The following IFNAR1 variants were observed in gnomAD, a reference collection of about 807,000 sequenced individuals.
The protein encoded by IFNAR1 is interferon alpha and beta receptor subunit 1.
IFNAR1 carries 47 observed loss-of-function variants against 62.1 expected under a neutral mutation model. The ratio of observed to expected loss-of-function variants is 0.76; its 90% CI spans 0.60 to 0.97. The LOEUF (loss-of-function observed/expected upper bound fraction) is 0.97, where lower values mean the gene tolerates loss of function less well. Among genes scored for constraint, IFNAR1 ranks in the 50% least tolerant of loss-of-function variants. The pLI, the probability that IFNAR1 is intolerant of heterozygous loss-of-function variation, is 0.00. For missense variants in IFNAR1, 638 were observed against 654.5 expected (o/e 0.97, Z 0.27); for synonymous variants, 219 against 226.9 (o/e 0.97, Z 0.31).
At position 33,335,618 on chromosome 21, in the gene IFNAR1, G is replaced by A. The variant is rs2123668743; in HGVS notation, c.171G>A (p.Gly57=). The A allele has an allele frequency of 6.3e-7, 1 of 1,593,510 alleles. No individual in the cohort carries two copies. Among genetic ancestry groups the A allele is most frequent in the Non-Finnish European group, 8.5e-7 (1 of 1,169,666 alleles). ...GGAACAGGAGCGATGAGTCTGTCGG[G>A]AATGTGACTTTTTCATTCGATTATC... is the stretch of plus-strand genomic sequence containing the variant. ...LRWNRSDESV[G]NVTFSFDYQK... is the part of the protein sequence containing the mutation. The change falls in exon 2 of 11, where the codon GGG becomes GGA. Residue 57 remains glycine, a synonymous_variant. Transcript: ENST00000270139.
Position 33,357,353 on chromosome 21 carries a change from CACAT to C in IFNAR1, c.*1808_*1811del, listed in dbSNP as rs2083457941. On this transcript the variant is annotated 3_prime_UTR_variant, in exon 11 of 11. Transcript: ENST00000270139. Reference sequence around the variant, plus strand: ...GTGATGCTCGGCACATCCTGCCTGGCACATACACGTGTCTGCAGGCCACACCGTG... The same window carrying C: ...GTGATGCTCGGCACATCCTGCCTGGCACACGTGTCTGCAGGCCACACCGTG... 1 of 152,234 alleles carries C rather than the reference CACAT, an allele frequency of 6.6e-6. No individual in the cohort carries two copies. The highest frequency in any genetic ancestry group is 1.5e-5 in the Non-Finnish European group (1 of 68,088). 9.4% of individuals were successfully genotyped at this position (152,234 alleles called of 1,614,324 possible).
At position 33,343,645 on chromosome 21, in the gene IFNAR1, C is replaced by G. The variant is rs778680285; in HGVS notation, c.642C>G (p.Val214=). ...TACTTACGTCATGGAAAATTGGTGT[C>G]TATAGTCCAGTACATTGTATAAAGA... is the stretch of plus-strand genomic sequence containing the variant. ...AALLTSWKIG[V]YSPVHCIKTT... Residue 214 remains valine (V), a synonymous_variant, in exon 5 of 11, where the codon GTC becomes GTG. Transcript: ENST00000270139. The G allele has an allele frequency of 6.2e-7, 1 of 1,608,688 alleles. No individual in the cohort carries two copies. The highest frequency in any genetic ancestry group is 8.5e-7 in the Non-Finnish European group (1 of 1,175,746).
chr21:33,330,542 A>AAC (rs911524060), intron 1 of IFNAR1, among the ~76,000 whole-genome samples: 20 of 151,922 alleles, frequency 1.3e-4, no homozygotes, highest in East Asian at 1.9e-4. Flanking sequence ...AAACAAAGCA[A>AAC]ACACACACAC....
intron 1 of IFNAR1, among the ~76,000 whole-genome samples, chr21:33,326,132 C>T (rs1372589652): frequency 6.6e-6 from 1 of 151,786 alleles, no homozygotes; most frequent in Non-Finnish European, 1.5e-5. Context: ...AATAGTCATA[C>T]TTTTTAAACT....
rs17875793 is a variant in IFNAR1 at position 33,334,224 on chromosome 21, A to G, written c.77-1300A>G. Among the ~76,000 whole-genome samples the G allele has an allele frequency of 2.3e-3, 344 of 152,306 alleles. 4 individuals carry two copies. Among genetic ancestry groups the G allele is most frequent in the Non-Finnish European group, 3.0e-3 (205 of 68,024 alleles). ...AAAGGGAAAGATAGACTCCAATATG[A>G]TAGTAGTTGGGGACTTCAGCACCCC... On this transcript the variant is annotated intron_variant, in intron 1 of 10. Transcript: ENST00000270139.
intron 1 of IFNAR1, among the ~76,000 whole-genome samples, chr21:33,326,208 T>G (rs1415836561): frequency 7.8e-6 from 1 of 128,360 alleles, no homozygotes; most frequent in African/African-American, 3.1e-5. Flanking sequence ...CATTTTTATT[T>G]ATACTTTTTT....
chr21:33,352,698 C>A, intron 8 of IFNAR1, 60 bp from the exon 9 acceptor site: 1 of 905,004 alleles, frequency 1.1e-6, no homozygotes, highest in Non-Finnish European at 1.7e-6. Flanking sequence ...TGAGAAAGCA[C>A]ATATTCCCTG....
At chr21:33,343,977 A>G (rs1331340692) in intron 5 of IFNAR1, among the ~76,000 whole-genome samples, 1 of 152,148 alleles carries the variant, frequency 6.6e-6, no homozygotes, top group African/African-American at 2.4e-5. Flanking sequence ...CCAACATGGG[A>G]AAACCCCGTG....
intron 2 of IFNAR1, among the ~76,000 whole-genome samples, chr21:33,338,811 C>T (rs1054553522): frequency 1.1e-4 from 17 of 151,248 alleles, no homozygotes; most frequent in Admixed American, 5.3e-4. Flanking sequence ...GGCGCAATCT[C>T]GGCTCACCGC....
rs149502605 is a variant in IFNAR1, at chr21:33,343,606, A to C, written c.603A>C (p.Lys201Asn). The change falls in exon 5 of 11, where the codon AAA (lysine) becomes AAC (asparagine). Residue 201 changes from lysine (K) to asparagine (N), a missense_variant. By Grantham distance (94) the Lys-to-Asn change is moderately conservative. Coordinates refer to ENST00000270139, the MANE Select transcript of IFNAR1 (RefSeq NM_000629.3). ...KLSPETTYCL[K>N]VKAALLTSWK... The stretch of plus-strand genomic sequence containing the variant: ...CACCAGAGACTACTTATTGTCTAAA[A>C]GTTAAAGCAGCACTACTTACGTCAT... 3.8e-6 allele frequency: 6 copies of C among 1,596,404 alleles called. No homozygotes were observed. The African/African-American group carries it at 8.0e-5, about 21-fold the overall frequency.
intron 1 of IFNAR1, among the ~76,000 whole-genome samples, chr21:33,334,197 G>A (rs1291625391): frequency 5.3e-5 from 8 of 152,114 alleles, no homozygotes; most frequent in East Asian, 1.9e-4. Flanking sequence ...ATTACTATAC[G>A]TAAAGGGAAA....
intron 1 of IFNAR1, among the ~76,000 whole-genome samples, chr21:33,330,548 C>A (rs1433528522): frequency 1.3e-5 from 2 of 152,202 alleles, no homozygotes; most frequent in Admixed American, 1.3e-4. Flanking sequence ...AGCAAACACA[C>A]ACACACACAA....
At chr21:33,342,050 T>C (rs1274122006) in intron 3 of IFNAR1, among the ~76,000 whole-genome samples, 1 of 152,200 alleles carries the variant, frequency 6.6e-6, no homozygotes, top group Non-Finnish European at 1.5e-5. Context: ...ATGTTTAATA[T>C]GCTAATATAA....
rs368180399 is a variant in IFNAR1 at position 33,353,693 on chromosome 21, C to G, written c.1350C>G (p.Leu450=). 10 of 1,583,556 alleles carry G rather than the reference C, an allele frequency of 6.3e-6. No individual in the cohort carries two copies. Among genetic ancestry groups the G allele is most frequent in the Non-Finnish European group, 8.6e-6 (10 of 1,167,482 alleles). ...IVGICIALFA[L]PFVIYAAKVF... is the part of the protein sequence containing the mutation. ...GAATTTGTATTGCATTATTTGCTCT[C>G]CCGTTTGTCATTTATGCTGCGAAAG... is the stretch of plus-strand genomic sequence containing the variant. Residue 450 remains leucine (L), a synonymous_variant, in exon 10 of 11, where the codon CTC becomes CTG. Transcript: ENST00000270139.
chr21:33,353,573 C>A, intron 9 of IFNAR1, 65 bp from the exon 10 acceptor site: 1 of 828,592 alleles, frequency 1.2e-6, no homozygotes, highest in Non-Finnish European at 1.9e-6. Context: ...TTTCACACAG[C>A]TGTCAGCACT....
intron 8 of IFNAR1, 110 bp downstream of exon 8, chr21:33,349,653 G>T (rs2083382629): frequency 1.3e-6 from 1 of 767,228 alleles, no homozygotes; most frequent in Admixed American, 2.9e-5. Flanking sequence ...TATGTGGGCT[G>T]GATGCAGTGG....
chr21:33,352,032 A>G (rs938591569), intron 8 of IFNAR1, among the ~76,000 whole-genome samples: 3 of 152,094 alleles, frequency 2.0e-5, no homozygotes, highest in African/African-American at 4.8e-5. Context: ...TACAGATAGC[A>G]GCAATAACTG....
chr21:33,350,598 T>TA (rs1242228371), intron 8 of IFNAR1, among the ~76,000 whole-genome samples: 1 of 152,112 alleles, frequency 6.6e-6, no homozygotes, highest in African/African-American at 2.4e-5. Context: ...CGTCAGATAA[T>TA]ATACGTGTTT....
chr21:33,352,986 G>A (rs2083413456), intron 9 of IFNAR1, 78 bp downstream of exon 9: 2 of 1,006,186 alleles, frequency 2.0e-6, no homozygotes, highest in African/African-American at 3.3e-5. Context: ...ATTGAAAATT[G>A]TAAAACATTT....
Sources: gnomAD v4.1 joint callset for allele counts (sites outside exome capture counted in the v4.1 genomes callset) on GRCh38, gnomAD v4.1.1 for gene constraint, MANE v1.5 for transcripts, NCBI Gene and HGNC (gene_info 2026-07-23, HGNC 2026-07-21) for gene names.